The following PDZD2 variants were observed in gnomAD, a reference collection of about 807,000 sequenced individuals.
The protein encoded by PDZD2 is PDZ domain containing 2, also known as PDZ domain-containing protein 2.
PDZD2 carries 90 observed loss-of-function variants against 220.7 expected under a neutral mutation model. The observed-to-expected ratio is 0.41, with a 90% CI of 0.34 to 0.49. The LOEUF is 0.49. PDZD2 is among the 20% of genes least tolerant of loss of function. The pLI is 0.28. For synonymous variants in PDZD2, 1,375 were observed against 1,450.5 expected, an observed-to-expected ratio of 0.95 and a Z score of 1.18; for missense variants, 3,174 against 3,608.5, an observed-to-expected ratio of 0.88 and a Z score of 3.08.
chr5:32,090,738 A>AC lies in PDZD2; in HGVS notation c.7292dup (p.Glu2432ArgfsTer4), dbSNP rs1743053319. 1 of 1,613,948 alleles carries AC rather than the reference A, an allele frequency of 6.2e-7. No homozygotes were observed. The highest frequency in any genetic ancestry group is 1.3e-5 in the African/African-American group (1 of 74,888). On this transcript the variant is annotated frameshift_variant, in exon 20 of 25. Coordinates refer to ENST00000438447, the MANE Select transcript of PDZD2 (RefSeq NM_178140.4). LOFTEE classifies it high-confidence loss of function. The surrounding 1 kb of genome is among the most constrained non-coding windows in gnomAD (Gnocchi z 4.3). ...CACTGACCATCTCTCGGCAGAACCC[A>AC]CCAGAGACCAGTAGCAAGGGCTCTG...
chr5:31,684,868 C>A (rs1373942724), intron 1 of PDZD2, among the ~76,000 whole-genome samples: 1 of 152,138 alleles, frequency 6.6e-6, no homozygotes, highest in Non-Finnish European at 1.5e-5. Context: ...ACTCATGTCA[C>A]CCCCGTTGCC....
At chr5:31,810,584 C>A (rs1486346461) in intron 2 of PDZD2, among the ~76,000 whole-genome samples, 1 of 152,166 alleles carries the variant, frequency 6.6e-6, no homozygotes, top group African/African-American at 2.4e-5. Context: ...GATTTTTGAA[C>A]TTCAGGCTTT....
intron 1 of PDZD2, among the ~76,000 whole-genome samples, chr5:31,750,794 T>C (rs1421308375): frequency 3.3e-5 from 5 of 152,256 alleles, no homozygotes; most frequent in East Asian, 1.9e-4. Context: ...AGGCGCTCAG[T>C]AAATACCTGA....
At chr5:32,093,140 CT>C (rs1407867351) in intron 21 of PDZD2, 116 bp downstream of exon 21, 21 of 653,554 alleles carry the variant, frequency 3.2e-5, no homozygotes, top group Non-Finnish European at 5.3e-5. Context: ...AGAGGGAGGA[CT>C]GCCTTGGGTT....
intron 2 of PDZD2, among the ~76,000 whole-genome samples, chr5:31,968,203 C>T (rs1017640580): frequency 2.2e-4 from 34 of 152,166 alleles, no homozygotes; most frequent in Admixed American, 5.9e-4. Flanking sequence ...ACTAAAAATA[C>T]GAAAATTAGC....
chr5:31,663,854 GGTGTGTGT>G (rs376879069), intron 1 of PDZD2, among the ~76,000 whole-genome samples: 9 of 149,832 alleles, frequency 6.0e-5, no homozygotes, highest in African/African-American at 1.9e-4. Context: ...GGAAGTTTAG[GGTGTGTGT>G]GTGTGTGTGT....
chr5:31,970,206 T>G (rs1408262235), intron 2 of PDZD2, among the ~76,000 whole-genome samples: 1 of 151,952 alleles, frequency 6.6e-6, no homozygotes, highest in African/African-American at 2.4e-5. Context: ...GACTAAATAG[T>G]TTTACAAAGG....
chr5:31,662,053 A>G (rs367700218), intron 1 of PDZD2, among the ~76,000 whole-genome samples: 2 of 152,124 alleles, frequency 1.3e-5, no homozygotes, highest in African/African-American at 2.4e-5. Context: ...GCTCACCTCT[A>G]TAATCCTAGC....
intron 1 of PDZD2, among the ~76,000 whole-genome samples, chr5:31,696,173 G>A (rs561549188): frequency 1.3e-5 from 2 of 152,272 alleles, no homozygotes; most frequent in South Asian, 2.1e-4. Flanking sequence ...ATGTGGATGG[G>A]ATGTAACATC....
Position 32,090,288 on chromosome 5 carries a change from A to C in PDZD2, c.6840A>C (p.Val2280=), listed in dbSNP as rs1195452219. 6.2e-7 allele frequency: 1 copy of C among 1,614,100 alleles called. No homozygotes were observed. The highest frequency in any genetic ancestry group is 8.5e-7 in the Non-Finnish European group (1 of 1,180,040). ...CTAATGGACAGGGCATATATAGTGTAAAGCCGCTGCTGGACACATCGAGGA... is the reference window on the plus strand; with the variant it reads ...CTAATGGACAGGGCATATATAGTGTCAAGCCGCTGCTGGACACATCGAGGA... The part of the protein sequence containing the change: ...SLANGQGIYS[V]KPLLDTSRNL... The change falls in exon 20 of 25, where the codon GTA becomes GTC. Residue 2280 remains valine (V), a synonymous_variant. Coordinates refer to ENST00000438447, the MANE Select transcript of PDZD2 (RefSeq NM_178140.4). The surrounding 1 kb of genome is among the most constrained non-coding windows in gnomAD (Gnocchi z 4.3).
chr5:31,880,968 AT>A (rs1271559348), intron 2 of PDZD2, among the ~76,000 whole-genome samples: 3 of 151,248 alleles, frequency 2.0e-5, no homozygotes, highest in African/African-American at 7.3e-5. Context: ...TGCCCGGCTA[AT>A]TTCTGTATTT....
chr5:31,676,085 T>C (rs1428723858), intron 1 of PDZD2, among the ~76,000 whole-genome samples: 1 of 152,206 alleles, frequency 6.6e-6, no homozygotes. Context: ...GAAAGGAAAA[T>C]GCCTATTTTA....
At chr5:31,854,869 C>G in intron 2 of PDZD2, 1 of 526,868 alleles carries the variant, frequency 1.9e-6, no homozygotes, top group Non-Finnish European at 2.4e-6. Context: ...TTTAGGATTG[C>G]ATTACAGGCT....
chr5:31,707,410 A>G (rs1304366455), intron 1 of PDZD2, among the ~76,000 whole-genome samples: 1 of 152,150 alleles, frequency 6.6e-6, no homozygotes, highest in African/African-American at 2.4e-5. Context: ...CTGCTCACGC[A>G]CAGAAGAAAG....
chr5:32,026,755 G>A (rs1035559610), intron 6 of PDZD2, among the ~76,000 whole-genome samples: 2 of 152,192 alleles, frequency 1.3e-5, no homozygotes, highest in African/African-American at 4.8e-5. Context: ...ACTAGGTCAT[G>A]GGACCATGGC....
At chr5:31,984,622 G>GGGA (rs1408891206) in intron 3 of PDZD2, among the ~76,000 whole-genome samples, 2 of 152,130 alleles carry the variant, frequency 1.3e-5, no homozygotes, top group Non-Finnish European at 2.9e-5. Flanking sequence ...CCAGCATCTT[G>GGGA]GGAGGCTAAG....
chr5:31,759,116 G>A (rs1751475825), intron 1 of PDZD2, among the ~76,000 whole-genome samples: 1 of 151,762 alleles, frequency 6.6e-6, no homozygotes. Context: ...CTCATCATCG[G>A]CCCCCACCTC....
At chr5:31,685,220 G>T (rs183575278) in intron 1 of PDZD2, among the ~76,000 whole-genome samples, 356 of 152,040 alleles carry the variant, frequency 2.3e-3, no homozygotes, top group Non-Finnish European at 3.0e-3. Flanking sequence ...TTCCAGAGGA[G>T]CTTTCTAAAA....
At chr5:32,013,967 C>A (rs73072247) in intron 6 of PDZD2, among the ~76,000 whole-genome samples, 1,529 of 152,294 alleles carry the variant, frequency 0.01, 25 homozygotes, top group African/African-American at 0.035. Flanking sequence ...GTGTGGGCAG[C>A]CAGGAGAGGA....
Sources: allele counts gnomAD v4.1 joint callset (sites outside exome capture counted in the v4.1 genomes callset), GRCh38; gene constraint gnomAD v4.1.1; non-coding constraint Gnocchi (gnomAD v3.1); transcripts MANE v1.5; gene names NCBI Gene and HGNC (gene_info 2026-07-23, HGNC 2026-07-21).